CORO2A: variants seen among roughly 807,000 people sequenced by gnomAD.
CORO2A encodes the protein coronin 2A.
CORO2A carries 47 observed loss-of-function variants against 62.4 expected under a neutral mutation model. That is an observed-to-expected ratio of 0.75 (90% confidence interval 0.60 to 0.96). The LOEUF (loss-of-function observed/expected upper bound fraction) is 0.96, where lower values mean the gene tolerates loss of function less well. Ranked by LOEUF, CORO2A falls within the 40% of genes least tolerant of loss-of-function variation. The pLI is 0.00. For missense variants in CORO2A, 610 were observed against 684.1 expected, an observed-to-expected ratio of 0.89 and a Z score of 1.21; for synonymous variants, 273 against 268.9, an observed-to-expected ratio of 1.02 and a Z score of -0.15.
intron 2 of CORO2A, among the ~76,000 whole-genome samples, chr9:98,146,873 AC>A (rs1243694439): frequency 6.6e-6 from 1 of 152,002 alleles, no homozygotes. Flanking sequence ...AATCACTCCA[AC>A]CCTGGTTACA....
chr9:98,125,304 A>ATC (rs1827301232), intron 11 of CORO2A, among the ~76,000 whole-genome samples: 1 of 152,132 alleles, frequency 6.6e-6, no homozygotes, highest in South Asian at 2.1e-4. Flanking sequence ...TGGGTGTTAG[A>ATC]TATTGAGTGA....
At chr9:98,145,640 C>T (rs1353954610) in intron 2 of CORO2A, among the ~76,000 whole-genome samples, 1 of 152,170 alleles carries the variant, frequency 6.6e-6, no homozygotes, top group Non-Finnish European at 1.5e-5. Flanking sequence ...AGCAAGGAGT[C>T]CTGGGAGGCA....
At chr9:98,150,215 G>A (rs1827704829) in intron 2 of CORO2A, among the ~76,000 whole-genome samples, 1 of 152,098 alleles carries the variant, frequency 6.6e-6, no homozygotes, top group Non-Finnish European at 1.5e-5. Flanking sequence ...GCAGGTGTTA[G>A]CCACAGCGCC....
chr9:98,155,302 T>C (rs1177376556), intron 2 of CORO2A, among the ~76,000 whole-genome samples: 1 of 152,014 alleles, frequency 6.6e-6, no homozygotes, highest in East Asian at 1.9e-4. Flanking sequence ...AGCTCGCCTT[T>C]CCTTTTGCTA....
rs570614140 is a variant in CORO2A, at chr9:98,177,289, T to G, written c.-1+15270A>C. Among the ~76,000 whole-genome samples the G allele has an allele frequency of 3.3e-5, 5 of 152,250 alleles. No homozygotes were observed. In the South Asian group the frequency reaches 1.0e-3, roughly 32 times the overall value. On this transcript the variant is annotated intron_variant, in intron 1 of 11. Transcript: ENST00000375077. ...CCCCAGCTGGAGATAGCCCCTGTGCTGGGCTCTGTGGATGGAGGTATTCCC... is the reference window on the plus strand; with the variant it reads ...CCCCAGCTGGAGATAGCCCCTGTGCGGGGCTCTGTGGATGGAGGTATTCCC...
chr9:98,165,366 C>T (rs550981725), intron 1 of CORO2A, among the ~76,000 whole-genome samples: 21 of 152,286 alleles, frequency 1.4e-4, no homozygotes, highest in African/African-American at 4.8e-4. Context: ...ACATACCGAA[C>T]CATAGAATAG....
intron 1 of CORO2A, among the ~76,000 whole-genome samples, chr9:98,173,615 G>A (rs1259821074): frequency 6.6e-6 from 1 of 152,038 alleles, no homozygotes; most frequent in Non-Finnish European, 1.5e-5. Flanking sequence ...AATCCTCCTC[G>A]TCCTCCTTCT....
At chr9:98,146,270 G>A (rs2118846094) in intron 2 of CORO2A, among the ~76,000 whole-genome samples, 1 of 152,306 alleles carries the variant, frequency 6.6e-6, no homozygotes, top group South Asian at 2.1e-4. Context: ...AGGCTCAGGA[G>A]CACAGTCCTG....
At chr9:98,173,140 A>G (rs1198646438) in intron 1 of CORO2A, among the ~76,000 whole-genome samples, 1 of 152,220 alleles carries the variant, frequency 6.6e-6, no homozygotes, top group African/African-American at 2.4e-5. Flanking sequence ...CTGTCTCTAC[A>G]AAAAACAAAC....
chr9:98,149,535 A>G (rs980724903), intron 2 of CORO2A, among the ~76,000 whole-genome samples: 11 of 152,230 alleles, frequency 7.2e-5, no homozygotes, highest in Non-Finnish European at 1.5e-4. Flanking sequence ...TCTGGTAAGG[A>G]CTGCAGGGGA....
chr9:98,188,946 A>G (rs951957678), intron 1 of CORO2A, among the ~76,000 whole-genome samples: 5 of 152,162 alleles, frequency 3.3e-5, no homozygotes, highest in African/African-American at 1.2e-4. Flanking sequence ...AATGTTAGCT[A>G]TTATTATTAC....
At chr9:98,179,135 A>G (rs1372857117) in intron 1 of CORO2A, among the ~76,000 whole-genome samples, 1 of 152,202 alleles carries the variant, frequency 6.6e-6, no homozygotes, top group African/African-American at 2.4e-5. Flanking sequence ...GAATCAAACC[A>G]GCTCTTGGGC....
chr9:98,169,805 A>T (rs1828008896), intron 1 of CORO2A, among the ~76,000 whole-genome samples: 1 of 152,216 alleles, frequency 6.6e-6, no homozygotes, highest in African/African-American at 2.4e-5. Context: ...CCTAGAACTA[A>T]GCCAGCTCAG....
At chr9:98,154,662 T>C (rs1342726036) in intron 2 of CORO2A, among the ~76,000 whole-genome samples, 1 of 152,182 alleles carries the variant, frequency 6.6e-6, no homozygotes, top group Admixed American at 6.5e-5. Context: ...TATGGTTTAG[T>C]GTAGGCTGTT....
chr9:98,161,100 G>C (rs1454906789), intron 1 of CORO2A, among the ~76,000 whole-genome samples: 1 of 152,214 alleles, frequency 6.6e-6, no homozygotes, highest in Non-Finnish European at 1.5e-5. Flanking sequence ...TTGTCATGGA[G>C]GACAGCGACC....
rs187228468 is a variant in CORO2A, at chr9:98,129,680, C to T, written c.967+114G>A. ...GTTGCTATGCTGTCTCTCCTCCCAT[C>T]TGACTCATCCCTGTCTCCCCAGACC... is the stretch of plus-strand genomic sequence containing the variant. On this transcript the variant is annotated intron_variant, in intron 8 of 11. Coordinates refer to ENST00000375077, the MANE Select transcript of CORO2A (RefSeq NM_052820.4). 682 of 777,288 alleles carry T rather than the reference C, an allele frequency of 8.8e-4. 5 individuals carry two copies. In the African/African-American group the frequency reaches 0.011, roughly 12 times the overall value. The allele number at this position is 777,288 out of a possible 1,614,324, so 48.1% of individuals were successfully genotyped here.
At chr9:98,144,442 A>C (rs1827615349) in intron 2 of CORO2A, among the ~76,000 whole-genome samples, 1 of 152,160 alleles carries the variant, frequency 6.6e-6, no homozygotes, top group Non-Finnish European at 1.5e-5. Context: ...TGCTGTCCTC[A>C]CACCATGGTT....
chr9:98,126,434 C>A, intron 11 of CORO2A, 115 bp downstream of exon 11: 1 of 1,377,476 alleles, frequency 7.3e-7, no homozygotes, highest in Non-Finnish European at 9.9e-7. Context: ...CTAGGCCAGG[C>A]CACACAGCTG....
chr9:98,163,369 T>C (rs999416069), intron 1 of CORO2A, among the ~76,000 whole-genome samples: 2 of 152,168 alleles, frequency 1.3e-5, no homozygotes, highest in South Asian at 4.1e-4. Context: ...TTTGTATTTT[T>C]AGTAGAGACA....
Sources: allele counts gnomAD v4.1 joint callset (sites outside exome capture counted in the v4.1 genomes callset), GRCh38; gene constraint gnomAD v4.1.1; transcripts MANE v1.5; gene names NCBI Gene and HGNC (gene_info 2026-07-23, HGNC 2026-07-21).